The following SLC24A3 variants were observed in gnomAD, a reference collection of about 807,000 sequenced individuals.
SLC24A3 encodes solute carrier family 24 member 3.
In SLC24A3, 28 loss-of-function variants were observed where a neutral mutation model predicts 75.8. That is an observed-to-expected ratio of 0.37 (90% CI 0.27 to 0.51). SLC24A3 has a LOEUF of 0.51. Among genes scored for constraint, SLC24A3 ranks in the 20% least tolerant of loss-of-function variants. SLC24A3 has a pLI of 0.94. For synonymous variants in SLC24A3, 372 were observed against 334.1 expected (o/e 1.11, Z -1.24); for missense variants, 663 against 847.8 (o/e 0.78, Z 2.71).
At chr20:19,230,631 GGAATGGATGGGTATAGAAAGA>G (rs1981993577) in intron 1 of SLC24A3, among the ~76,000 whole-genome samples, 1 of 88,776 alleles carries the variant, frequency 1.1e-5, no homozygotes, top group Non-Finnish European at 2.7e-5. Context: ...TTGATGGGGG[GGAATGGATGGGTATAGAAAGA>G]CATATTGATG....
rs192238263 is a variant in SLC24A3 at position 19,246,976 on chromosome 20, G to A, written c.143-33983G>A. 1.6e-4 allele frequency among the ~76,000 whole-genome samples: 25 copies of A among 152,256 alleles called. 1 individual carries two copies. In the East Asian group the frequency reaches 4.6e-3, roughly 28 times the overall value. The stretch of plus-strand genomic sequence containing the variant: ...TCAGGAACAGGCAAGAGTGATCATT[G>A]TCATCCCTTTTAATCAATATTTTAT... On this transcript the variant is annotated intron_variant, in intron 1 of 16. Transcript: ENST00000328041.
intron 3 of SLC24A3, among the ~76,000 whole-genome samples, chr20:19,563,326 TA>T (rs2030905926): frequency 6.6e-6 from 1 of 152,194 alleles, no homozygotes; most frequent in Non-Finnish European, 1.5e-5. Flanking sequence ...TATTAAATAT[TA>T]AAACTTCAAA....
At chr20:19,551,059 G>A (rs148287401) in intron 3 of SLC24A3, among the ~76,000 whole-genome samples, 82 of 152,336 alleles carry the variant, frequency 5.4e-4, no homozygotes, top group African/African-American at 1.8e-3. Context: ...ACTCCTAGAT[G>A]CCTGTTTCTC....
At chr20:19,441,399 T>C (rs941876556) in intron 2 of SLC24A3, among the ~76,000 whole-genome samples, 5 of 152,198 alleles carry the variant, frequency 3.3e-5, no homozygotes, top group African/African-American at 1.2e-4. Flanking sequence ...TGGTTAGGAC[T>C]GCAGTTAGCA....
intron 3 of SLC24A3, among the ~76,000 whole-genome samples, chr20:19,561,587 G>A (rs980741179): frequency 2.0e-5 from 3 of 152,270 alleles, no homozygotes; most frequent in African/African-American, 7.2e-5. Context: ...ACATATGCAA[G>A]CTTCCCTAAA....
chr20:19,474,235 T>G (rs1204853508), intron 2 of SLC24A3, among the ~76,000 whole-genome samples: 1 of 152,118 alleles, frequency 6.6e-6, no homozygotes, highest in East Asian at 1.9e-4. Flanking sequence ...GGTGTGCACA[T>G]TATATGACTT....
At chr20:19,216,703 A>G (rs928815108) in intron 1 of SLC24A3, among the ~76,000 whole-genome samples, 1 of 152,214 alleles carries the variant, frequency 6.6e-6, no homozygotes, top group Non-Finnish European at 1.5e-5. Context: ...GCATGAATGT[A>G]TGTATGTATT....
chr20:19,290,421 G>C (rs997223122), intron 2 of SLC24A3, among the ~76,000 whole-genome samples: 1 of 152,168 alleles, frequency 6.6e-6, no homozygotes, highest in African/African-American at 2.4e-5. Context: ...TTAGGGGAAC[G>C]ATTAGGTCAT....
At chr20:19,677,675 C>CT (rs1023611195) in intron 9 of SLC24A3, among the ~76,000 whole-genome samples, 27 of 95,602 alleles carry the variant, frequency 2.8e-4, no homozygotes, top group South Asian at 1.1e-3. Context: ...TTTTAGGATT[C>CT]TTTTTTTTTT....
At chr20:19,608,895 T>C (rs2031633674) in intron 6 of SLC24A3, among the ~76,000 whole-genome samples, 1 of 152,230 alleles carries the variant, frequency 6.6e-6, no homozygotes, top group South Asian at 2.1e-4. Context: ...TTTGGCCATT[T>C]GTTGGAAATT....
At chr20:19,620,936 A>G (rs2031795867) in intron 6 of SLC24A3, among the ~76,000 whole-genome samples, 1 of 152,210 alleles carries the variant, frequency 6.6e-6, no homozygotes, top group African/African-American at 2.4e-5. Flanking sequence ...GAATGAAAAT[A>G]TTACTAACTC....
chr20:19,557,807 G>C (rs2030813804), intron 3 of SLC24A3, among the ~76,000 whole-genome samples: 1 of 152,080 alleles, frequency 6.6e-6, no homozygotes, highest in Admixed American at 6.6e-5. Flanking sequence ...CCACCAAGCT[G>C]AACTTGTCCA....
chr20:19,631,791 A>AGTGTGTGTGTGTGT lies in SLC24A3; in HGVS notation c.613-22252_613-22239dup, dbSNP rs148278633. Among the ~76,000 whole-genome samples, 1,476 of 147,912 alleles carry AGTGTGTGTGTGTGT rather than the reference A, an allele frequency of 1.0e-2. 13 individuals carry two copies. The highest frequency in any genetic ancestry group is 0.021 in the South Asian group (96 of 4,596). ...CTCTGTATCTGTGTGTATGAGTGAG[A>AGTGTGTGTGTGTGT]GTGTGTGTGTGTGTGTGTGTGTGTG... On this transcript the variant is annotated intron_variant, in intron 6 of 16. Transcript: ENST00000328041.
intron 3 of SLC24A3, among the ~76,000 whole-genome samples, chr20:19,569,092 C>A (rs889759968): frequency 2.0e-5 from 3 of 152,154 alleles, no homozygotes; most frequent in Non-Finnish European, 4.4e-5. Context: ...GTCAGGGAAC[C>A]CTTGTGGGAG....
intron 2 of SLC24A3, among the ~76,000 whole-genome samples, chr20:19,459,404 T>C (rs1031101158): frequency 3.3e-5 from 5 of 152,118 alleles, no homozygotes; most frequent in African/African-American, 1.2e-4. Context: ...TCTCTTGACC[T>C]CCCTTGTTAG....
At chr20:19,675,260 C>T (rs2032509922) in intron 9 of SLC24A3, among the ~76,000 whole-genome samples, 1 of 152,140 alleles carries the variant, frequency 6.6e-6, no homozygotes, top group African/African-American at 2.4e-5. Context: ...CATGTTTCCC[C>T]AACATATGTA....
At chr20:19,496,330 C>G (rs1600253431) in intron 2 of SLC24A3, among the ~76,000 whole-genome samples, 1 of 152,332 alleles carries the variant, frequency 6.6e-6, no homozygotes, top group East Asian at 1.9e-4. Flanking sequence ...AAAACAGACA[C>G]TCAGGAGCTG....
chr20:19,282,373 T>C (rs1184704389), intron 2 of SLC24A3, among the ~76,000 whole-genome samples: 1 of 152,262 alleles, frequency 6.6e-6, no homozygotes, highest in Non-Finnish European at 1.5e-5. Flanking sequence ...CAAGGGTTAC[T>C]GTGGCTGTTG....
intron 2 of SLC24A3, among the ~76,000 whole-genome samples, chr20:19,377,630 T>G (rs989708270): frequency 6.6e-6 from 1 of 152,248 alleles, no homozygotes; most frequent in Admixed American, 6.5e-5. Flanking sequence ...GCTTAAAATC[T>G]GTGCATATTC....
Sources: allele counts gnomAD v4.1 joint callset (sites outside exome capture counted in the v4.1 genomes callset), GRCh38; gene constraint gnomAD v4.1.1; transcripts MANE v1.5; gene names NCBI Gene and HGNC (gene_info 2026-07-23, HGNC 2026-07-21).